The following TRIM46 variants were observed in gnomAD, a reference collection of about 807,000 sequenced individuals.
TRIM46 encodes the protein tripartite motif-containing protein 46.
TRIM46 carries 17 observed loss-of-function variants against 69.7 expected under a neutral mutation model. The ratio of observed to expected loss-of-function variants is 0.24; its 90% CI spans 0.17 to 0.37. The LOEUF (loss-of-function observed/expected upper bound fraction) is 0.37. Ranked by LOEUF, TRIM46 falls within the 10% of genes least tolerant of loss-of-function variation. The pLI is 1.00. For synonymous variants in TRIM46, 391 were observed against 429.0 expected (o/e 0.91, Z 1.09); for missense variants, 675 against 1,025.1 (o/e 0.66, Z 4.66).
At position 155,178,591 on chromosome 1, in the gene TRIM46, G is replaced by C; in HGVS notation, c.1263G>C (p.Leu421=). The change falls in exon 7 of 10, where the codon CTG becomes CTC. Residue 421 remains leucine, a synonymous_variant. Transcript: ENST00000334634. ...QLDVGREMKL[L]TELNFLRVPE... Reference sequence around the variant, plus strand: ...ACGTGGGACGTGAGATGAAGCTGCTGACAGAGCTTAACTTCCTGCGAGGTA... The same window carrying C: ...ACGTGGGACGTGAGATGAAGCTGCTCACAGAGCTTAACTTCCTGCGAGGTA... 1.2e-6 allele frequency: 2 copies of C among 1,613,850 alleles called. No homozygotes were observed. Among genetic ancestry groups the C allele is most frequent in the Non-Finnish European group, 1.7e-6 (2 of 1,180,008 alleles).
Position 155,175,258 on chromosome 1 carries a change from C to G in TRIM46, c.64-128C>G. ...TGTGAACCAGCCCAAGGCAGGTGCT[C>G]TGGAAAAGCTGCAGGTAGCTTGTCT... On this transcript the variant is annotated intron_variant, in intron 1 of 9. Coordinates refer to ENST00000334634, the MANE Select transcript of TRIM46 (RefSeq NM_025058.5). The surrounding 1 kb of genome is among the most constrained non-coding windows in gnomAD (Gnocchi z 4.2). The G allele has an allele frequency of 6.5e-7, 1 of 1,537,902 alleles. No homozygotes were observed. The highest frequency in any genetic ancestry group is 1.8e-4 in the Middle Eastern group (1 of 5,596).
Position 155,173,958 on chromosome 1 carries a change from G to C in TRIM46, c.-9G>C. 3 of 1,572,740 alleles carry C rather than the reference G, an allele frequency of 1.9e-6. No individual in the cohort carries two copies. The highest frequency in any genetic ancestry group is 2.6e-6 in the Non-Finnish European group (3 of 1,160,202). ...CGGGCACCCAGGGGCGGGCGGGCAC[G>C]GTAGGGCCATGGCAGAGGGTGAGGA... On this transcript the variant is annotated 5_prime_UTR_variant, in exon 1 of 10. Transcript: ENST00000334634.
At chr1:155,178,739 T>TTTGGGCCCCCCCCCC in intron 7 of TRIM46, 126 bp downstream of exon 7, 1 of 1,348,474 alleles carries the variant, frequency 7.4e-7, no homozygotes, top group Non-Finnish European at 1.0e-6. Flanking sequence ...CAGCCATTCC[T>TTTGGGCCCCCCCCCC]CCCACCCAGC....
chr1:155,175,862 C>A lies in TRIM46; in HGVS notation c.326-26C>A. The A allele has an allele frequency of 6.3e-7, 1 of 1,583,560 alleles. No homozygotes were observed. Among genetic ancestry groups the A allele is most frequent in the Non-Finnish European group, 8.6e-7 (1 of 1,164,954 alleles). On this transcript the variant is annotated intron_variant, in intron 2 of 9. Coordinates refer to ENST00000334634, the MANE Select transcript of TRIM46 (RefSeq NM_025058.5). This position sits in a 1 kb window ranked among gnomAD's most constrained non-coding sequence, Gnocchi z 4.2. ...ACCCAGCCAGCTGTAACTCTCATGT[C>A]CTCTACCTCCCTGGTTCACCCACAG... is the stretch of plus-strand genomic sequence containing the variant.
chr1:155,180,317 C>T, intron 8 of TRIM46: 1 of 315,988 alleles, frequency 3.2e-6, no homozygotes. Flanking sequence ...AATAAATAGG[C>T]CAGGCGAGGT....
chr1:155,174,810 C>A, intron 1 of TRIM46: 1 of 1,445,260 alleles, frequency 6.9e-7, no homozygotes, highest in South Asian at 1.4e-5. Flanking sequence ...GGCGGGAGGG[C>A]CTGATGGGGG....
In TRIM46 at chr1:155,184,481, G is replaced by T. The variant is rs1282448598; in HGVS notation, c.*291G>T. ...GCATGTTACCCAAGCCATGGAGAGAGCCCCTTCTCCATCCCTGTCCTGTGC... is the reference window on the plus strand; with the variant it reads ...GCATGTTACCCAAGCCATGGAGAGATCCCCTTCTCCATCCCTGTCCTGTGC... On this transcript the variant is annotated 3_prime_UTR_variant, in exon 10 of 10. Transcript: ENST00000334634. The surrounding 1 kb of genome is among the most constrained non-coding windows in gnomAD (Gnocchi z 5.6). 7.7e-6 allele frequency: 3 copies of T among 391,944 alleles called. No homozygotes were observed. The highest frequency in any genetic ancestry group is 1.4e-5 in the Non-Finnish European group (3 of 216,112). The allele number at this position is 391,944 out of a possible 1,614,324, so 24.3% of individuals were successfully genotyped here.
Position 155,181,844 on chromosome 1 carries a change from C to T in TRIM46, c.1589-8C>T, listed in dbSNP as rs755523828. 5.0e-6 allele frequency: 8 copies of T among 1,603,340 alleles called. No homozygotes were observed. On this transcript the variant is annotated splice_polypyrimidine_tract_variant and splice_region_variant and intron_variant, in intron 8 of 9. Transcript: ENST00000334634. The surrounding 1 kb of genome is among the most constrained non-coding windows in gnomAD (Gnocchi z 4.3). ...CTTGCTCCATCTCAACCCTCTCCCT[C>T]CTTCCAGTCCTGCACTTCTTCCTCG...
At position 155,179,760 on chromosome 1, in the gene TRIM46, C is replaced by A. The variant is rs767555498; in HGVS notation, c.1414C>A (p.Pro472Thr). 4 of 1,613,196 alleles carry A rather than the reference C, an allele frequency of 2.5e-6. No homozygotes were observed. The highest frequency in any genetic ancestry group is 3.3e-5 in the Admixed American group (2 of 60,008). The change falls in exon 8 of 10, where the codon CCT becomes ACT. Residue 472 changes from proline to threonine, a missense_variant. Around this residue, in one of 5 missense-constraint regions of TRIM46, gnomAD observed 361 missense variants for 498.3 expected, o/e 0.72. Coordinates refer to ENST00000334634, the MANE Select transcript of TRIM46 (RefSeq NM_025058.5). ...CGTTGAGTTCCGGCGCACGGATGTGCCTGCTCAGCCAGGCCCCACCCGCTG... is the reference window on the plus strand; with the variant it reads ...CGTTGAGTTCCGGCGCACGGATGTGACTGCTCAGCCAGGCCCCACCCGCTG... ...YTVEFRRTDV[P>T]AQPGPTRWQR...
chr1:155,178,657 C>T (rs777691029), intron 7 of TRIM46, 44 bp downstream of exon 7: 1 of 1,605,492 alleles, frequency 6.2e-7, no homozygotes, highest in South Asian at 1.1e-5. Flanking sequence ...AGCCTTCTTC[C>T]CTTCCTCCCC....
At position 155,175,732 on chromosome 1, in the gene TRIM46, ATCTG is replaced by A. The variant is rs1665596843; in HGVS notation, c.325+93_325+96del. 2.5e-6 allele frequency: 4 copies of A among 1,604,650 alleles called. No homozygotes were observed. In the African/African-American group the frequency reaches 5.3e-5, roughly 21 times the overall value. On this transcript the variant is annotated intron_variant, in intron 2 of 9. Coordinates refer to ENST00000334634, the MANE Select transcript of TRIM46 (RefSeq NM_025058.5). This position sits in a 1 kb window ranked among gnomAD's most constrained non-coding sequence, Gnocchi z 4.2. The stretch of plus-strand genomic sequence containing the variant: ...AAGAAGTCCATCACTGGTCAGAGGC[ATCTG>A]TCTGTCTTTCTGGGGGGTGGAGATA...
Position 155,183,844 on chromosome 1 carries a change from T to G in TRIM46, c.1934T>G (p.Val645Gly). ...GHDSGAEDATVEASPPFAFLT... is the reference protein window; with the variant it reads ...GHDSGAEDATGEASPPFAFLT... ...GACAGCGGTGCCGAGGATGCCACAG[T>G]GGAGGCGTCGCCACCCTTCGCTTTC... The change falls in exon 10 of 10, where the codon GTG becomes GGG. Residue 645 changes from valine to glycine, a missense_variant. Physicochemically the swap from Val to Gly is moderately radical, Grantham distance 109. Coordinates refer to ENST00000334634, the MANE Select transcript of TRIM46 (RefSeq NM_025058.5). 1 of 1,610,758 alleles carries G rather than the reference T, an allele frequency of 6.2e-7. No individual in the cohort carries two copies. Among genetic ancestry groups the G allele is most frequent in the Admixed American group, 1.7e-5 (1 of 60,018 alleles).
In TRIM46 at chr1:155,175,775, C is replaced by T; in HGVS notation, c.326-113C>T. ...GGGGTGGAGATACTGCTTACGCAGG[C>T]TCTAATGAGAGCTGAGCTCTGGCAC... On this transcript the variant is annotated intron_variant, in intron 2 of 9. Transcript: ENST00000334634. This position sits in a 1 kb window ranked among gnomAD's most constrained non-coding sequence, Gnocchi z 4.2. The T allele has an allele frequency of 6.4e-7, 1 of 1,571,430 alleles. No individual in the cohort carries two copies. The highest frequency in any genetic ancestry group is 8.7e-7 in the Non-Finnish European group (1 of 1,147,792).
intron 9 of TRIM46, chr1:155,182,913 G>GGT (rs541049493): frequency 8.3e-6 from 1 of 120,972 alleles, no homozygotes; most frequent in African/African-American, 3.1e-5. Flanking sequence ...CCAACTCCCT[G>GGT]TTTTTTTTTT....
At position 155,175,812 on chromosome 1, in the gene TRIM46, A is replaced by G. The variant is rs1221733079; in HGVS notation, c.326-76A>G. 7 of 1,573,480 alleles carry G rather than the reference A, an allele frequency of 4.4e-6. No individual in the cohort carries two copies. The highest frequency in any genetic ancestry group is 6.1e-6 in the Non-Finnish European group (7 of 1,156,658). ...CTGAGCTCTGGCACAATGAAAATCT[A>G]ATTTAATTAAACAGGCTTCCCCACA... On this transcript the variant is annotated intron_variant, in intron 2 of 9. Transcript: ENST00000334634. This position sits in a 1 kb window ranked among gnomAD's most constrained non-coding sequence, Gnocchi z 4.2.
Position 155,178,605 on chromosome 1 carries a change from T to A in TRIM46, c.1277T>A (p.Phe426Tyr). 6.2e-7 allele frequency: 1 copy of A among 1,613,272 alleles called. No individual in the cohort carries two copies. The highest frequency in any genetic ancestry group is 1.3e-5 in the African/African-American group (1 of 75,046). ...ATGAAGCTGCTGACAGAGCTTAACT[T>A]CCTGCGAGGTAAGGAGATGGCCAGG... ...REMKLLTELN[F>Y]LRVPEAPVID... The change falls in exon 7 of 10, where the codon TTC (phenylalanine) becomes TAC (tyrosine). Residue 426 changes from phenylalanine to tyrosine, a missense_variant. By Grantham distance (22) the Phe-to-Tyr change is conservative. Coordinates refer to ENST00000334634, the MANE Select transcript of TRIM46 (RefSeq NM_025058.5).
chr1:155,183,065 C>T (rs1045321883), intron 9 of TRIM46, among the ~76,000 whole-genome samples: 1 of 151,866 alleles, frequency 6.6e-6, no homozygotes, highest in Non-Finnish European at 1.5e-5. Flanking sequence ...CACCCGCCAC[C>T]ATGCCCAGCT....
rs1666403525 is a variant in TRIM46 at position 155,184,530 on chromosome 1, G to A, written c.*340G>A. On this transcript the variant is annotated 3_prime_UTR_variant, in exon 10 of 10. Coordinates refer to ENST00000334634, the MANE Select transcript of TRIM46 (RefSeq NM_025058.5). This position sits in a 1 kb window ranked among gnomAD's most constrained non-coding sequence, Gnocchi z 5.6. ...GCCCCCCAGGCTGATTGGGAGGGAG[G>A]GCACCTGGAACACTGGGCATGATCT... 1.2e-5 allele frequency: 3 copies of A among 250,046 alleles called. No individual in the cohort carries two copies. The South Asian group carries it at 2.0e-4, about 17-fold the overall frequency. The allele number at this position is 250,046 out of a possible 1,614,324, so 15.5% of individuals were successfully genotyped here.
At chr1:155,180,276 G>A (rs1666052991) in intron 8 of TRIM46, among the ~76,000 whole-genome samples, 1 of 152,118 alleles carries the variant, frequency 6.6e-6, no homozygotes, top group Non-Finnish European at 1.5e-5. Flanking sequence ...AGACCAACCT[G>A]GCCAACACAG....
Sources: gnomAD v4.1 joint callset for allele counts (sites outside exome capture counted in the v4.1 genomes callset) on GRCh38, gnomAD v4.1.1 for gene constraint, gnomAD v4.1.1 regional missense constraint, Gnocchi (gnomAD v3.1) non-coding constraint, MANE v1.5 for transcripts, NCBI Gene and HGNC (gene_info 2026-07-23, HGNC 2026-07-21) for gene names.